Variants in ADCK2 observed in about 807,000 individuals in gnomAD.
The protein encoded by ADCK2 is aarF domain containing kinase 2.
Under a neutral mutation model 52.3 loss-of-function variants are expected in ADCK2, and 37 were observed. That is an observed-to-expected ratio of 0.71 (90% CI 0.54 to 0.93). ADCK2 has a LOEUF of 0.93. Among genes scored for constraint, ADCK2 ranks in the 40% least tolerant of loss-of-function variants. ADCK2 has a pLI of 0.00. For missense variants in ADCK2, 695 were observed against 798.7 expected (o/e 0.87, Z 1.56); for synonymous variants, 321 against 349.2 (o/e 0.92, Z 0.90).
intron 5 of ADCK2, among the ~76,000 whole-genome samples, chr7:140,688,934 G>A (rs1794655622): frequency 1.3e-5 from 2 of 152,064 alleles, no homozygotes; most frequent in African/African-American, 2.4e-5. Flanking sequence ...AAAAACACTG[G>A]GAAAAAGAGA....
rs1438982666 is a variant in ADCK2 at position 140,674,012 on chromosome 7, A to G, written c.682A>G (p.Ser228Gly). The G allele has an allele frequency of 8.7e-6, 14 of 1,614,112 alleles. No homozygotes were observed. The East Asian group carries it at 2.9e-4, about 33-fold the overall frequency. ...CAACACTGCCTTCCTGGAGACTGAC[A>G]GCGTCCAGAGACTTGGCAGGGCCTC... ...YANTAFLETD[S>G]VQRLGRASCL... is the part of the protein sequence containing the mutation. The change falls in exon 1 of 8, where the codon AGC (serine) becomes GGC (glycine). Residue 228 changes from serine (S) to glycine (G), a missense_variant. Physicochemically the swap from Ser to Gly is moderately conservative, Grantham distance 56. Transcript: ENST00000072869. This position sits in a 1 kb window ranked among gnomAD's most constrained non-coding sequence, Gnocchi z 4.6.
rs182742642 is a variant in ADCK2, at chr7:140,693,802, C to T, written c.1741-861C>T. Among the ~76,000 whole-genome samples, 155 of 152,202 alleles carry T rather than the reference C, an allele frequency of 1.0e-3. 2 individuals are homozygous for T. In the East Asian group the frequency reaches 0.027, roughly 27 times the overall value. ...CTGGCTCACTGCAAGCTCTGCCTCC[C>T]GAGTTCAGGCCATTCTCCTGCCTCA... On this transcript the variant is annotated intron_variant, in intron 7 of 7. Transcript: ENST00000072869. This position sits in a 1 kb window ranked among gnomAD's most constrained non-coding sequence, Gnocchi z 4.0.
At chr7:140,685,807 C>T (rs1334327899) in intron 4 of ADCK2, among the ~76,000 whole-genome samples, 2 of 152,152 alleles carry the variant, frequency 1.3e-5, no homozygotes, top group East Asian at 3.8e-4. Flanking sequence ...CTCCTCTCAT[C>T]CCCCGTGGAA....
chr7:140,674,346 G>A lies in ADCK2; in HGVS notation c.933+83G>A, dbSNP rs1794354740. 1 of 1,408,806 alleles carries A rather than the reference G, an allele frequency of 7.1e-7. No homozygotes were observed. 87.3% of individuals were successfully genotyped at this position (1,408,806 alleles called of 1,614,324 possible). A position where few individuals can be genotyped will look rare whatever the true frequency, so the allele number is the denominator to read the frequency against. ...CAACCGCCATGCAAATCGCCCCCAC[G>A]TTTATTTCTATTTGCCTGACCAATA... is the stretch of plus-strand genomic sequence containing the variant. On this transcript the variant is annotated intron_variant, in intron 1 of 7. Coordinates refer to ENST00000072869, the MANE Select transcript of ADCK2 (RefSeq NM_052853.4). The surrounding 1 kb of genome is among the most constrained non-coding windows in gnomAD (Gnocchi z 4.6).
chr7:140,686,622 C>T (rs1370630794), intron 4 of ADCK2, among the ~76,000 whole-genome samples: 1 of 152,074 alleles, frequency 6.6e-6, no homozygotes, highest in Admixed American at 6.6e-5. Context: ...CTGTGTCACC[C>T]AGGCTGGAGG....
At chr7:140,681,207 C>T in intron 4 of ADCK2, 70 bp downstream of exon 4, 2 of 1,437,486 alleles carry the variant, frequency 1.4e-6, no homozygotes, top group Non-Finnish European at 2.0e-6. Flanking sequence ...TGGGCTGGGA[C>T]TCTGGCTATC....
intron 2 of ADCK2, 93 bp from the exon 3 acceptor site, chr7:140,679,062 T>C (rs1252067654): frequency 2.0e-6 from 3 of 1,488,452 alleles, no homozygotes; most frequent in African/African-American, 1.4e-5. Context: ...GAAGGTGGGG[T>C]GGATCTCATG....
intron 4 of ADCK2, among the ~76,000 whole-genome samples, chr7:140,681,881 A>G (rs975294308): frequency 2.2e-4 from 34 of 152,160 alleles, no homozygotes; most frequent in Non-Finnish European, 4.4e-5. Flanking sequence ...TTGGCCTCCC[A>G]AAGTGTTGGG....
At chr7:140,690,446 G>A (rs866614351) in intron 6 of ADCK2, among the ~76,000 whole-genome samples, 12 of 150,954 alleles carry the variant, frequency 7.9e-5, no homozygotes, top group African/African-American at 2.2e-4. Flanking sequence ...CAAGTGATCC[G>A]CCCGCCTTGG....
At position 140,679,226 on chromosome 7, in the gene ADCK2, G is replaced by A; in HGVS notation, c.1152G>A (p.Lys384=). ...ACTTCCGGAATGTGAAAGCCGTCAA[G>A]TTCCCCACCCCTCTGCGCCCCTTTG... ...QVNFRNVKAV[K]FPTPLRPFVT... is the part of the protein sequence containing the mutation. The change falls in exon 3 of 8, where the codon AAG becomes AAA. Residue 384 remains lysine, a synonymous_variant. Transcript: ENST00000072869. 2 of 1,614,080 alleles carry A rather than the reference G, an allele frequency of 1.2e-6. No homozygotes were observed. The highest frequency in any genetic ancestry group is 1.7e-6 in the Non-Finnish European group (2 of 1,180,006).
In ADCK2 at chr7:140,693,857, C is replaced by A. The variant is rs1794749623; in HGVS notation, c.1741-806C>A. 6.6e-6 allele frequency among the ~76,000 whole-genome samples: 1 copy of A among 152,138 alleles called. No homozygotes were observed. The highest frequency in any genetic ancestry group is 1.9e-4 in the East Asian group (1 of 5,188). ...CCCGAGTAGCTGAGACCACAGGCGC[C>A]TGCCACCATGCCCGGCTGATTTTTT... On this transcript the variant is annotated intron_variant, in intron 7 of 7. Transcript: ENST00000072869. The surrounding 1 kb of genome is among the most constrained non-coding windows in gnomAD (Gnocchi z 4.0).
chr7:140,687,874 G>A (rs1456073751), intron 5 of ADCK2, among the ~76,000 whole-genome samples: 2 of 137,132 alleles, frequency 1.5e-5, no homozygotes, highest in South Asian at 2.4e-4. Flanking sequence ...TGAGATCTTA[G>A]TTTTTTTTTT....
chr7:140,679,662 C>CTTTTT (rs57302302), intron 3 of ADCK2, among the ~76,000 whole-genome samples: 11 of 75,368 alleles, frequency 1.5e-4, no homozygotes, highest in South Asian at 4.5e-4. Context: ...CCTTCTCTCT[C>CTTTTT]TTTTTTTTTT....
At chr7:140,685,883 G>T (rs1246034858) in intron 4 of ADCK2, among the ~76,000 whole-genome samples, 1 of 151,946 alleles carries the variant, frequency 6.6e-6, no homozygotes, top group African/African-American at 2.4e-5. Flanking sequence ...TGTTCCACAA[G>T]CCGTGCCAAA....
Position 140,693,960 on chromosome 7 carries a change from C to T in ADCK2, c.1741-703C>T, listed in dbSNP as rs370998659. On this transcript the variant is annotated intron_variant, in intron 7 of 7. Coordinates refer to ENST00000072869, the MANE Select transcript of ADCK2 (RefSeq NM_052853.4). The surrounding 1 kb of genome is among the most constrained non-coding windows in gnomAD (Gnocchi z 4.0). ...TCCTGACCTCATGATCCGCCCGCCT[C>T]GGTCTCCCAAAGGGCTGGGATTACA... Among the ~76,000 whole-genome samples, 16 of 152,268 alleles carry T rather than the reference C, an allele frequency of 1.1e-4. No homozygotes were observed. Among genetic ancestry groups the T allele is most frequent in the East Asian group, 5.8e-4 (3 of 5,166 alleles).
chr7:140,684,106 G>A (rs1170047876), intron 4 of ADCK2, among the ~76,000 whole-genome samples: 2 of 152,126 alleles, frequency 1.3e-5, no homozygotes, highest in East Asian at 3.9e-4. Context: ...TGTTGGAGAG[G>A]CAGAGGGGTA....
Position 140,674,500 on chromosome 7 carries a change from T to C in ADCK2, c.934-111T>C. ...CTTGGGTGTCGGGACCACATCCTCT[T>C]TTCTTTGATAAGAAGCCACCTGGCT... On this transcript the variant is annotated intron_variant, in intron 1 of 7. Transcript: ENST00000072869. This position sits in a 1 kb window ranked among gnomAD's most constrained non-coding sequence, Gnocchi z 4.6. The C allele has an allele frequency of 7.3e-7, 1 of 1,371,642 alleles. No homozygotes were observed. Among genetic ancestry groups the C allele is most frequent in the Admixed American group, 2.6e-5 (1 of 39,146 alleles). 85.0% of individuals were successfully genotyped at this position (1,371,642 alleles called of 1,614,324 possible). A position where few individuals can be genotyped will look rare whatever the true frequency, so the allele number is the denominator to read the frequency against.
In ADCK2 at chr7:140,674,110, C is replaced by T; in HGVS notation, c.780C>T (p.Gly260=). 6.2e-7 allele frequency: 1 copy of T among 1,614,136 alleles called. No homozygotes were observed. The highest frequency in any genetic ancestry group is 8.5e-7 in the Non-Finnish European group (1 of 1,180,036). Residue 260 remains glycine (G), a synonymous_variant, in exon 1 of 8, where the codon GGC becomes GGT. Coordinates refer to ENST00000072869, the MANE Select transcript of ADCK2 (RefSeq NM_052853.4). This position sits in a 1 kb window ranked among gnomAD's most constrained non-coding sequence, Gnocchi z 4.6. ...LRELFGYLGN[G]RKPPENLADQ... Reference sequence around the variant, plus strand: ...AGCTCTTTGGATACCTTGGAAATGGCCGGAAACCTCCAGAAAATCTCGCAG... The same window carrying T: ...AGCTCTTTGGATACCTTGGAAATGGTCGGAAACCTCCAGAAAATCTCGCAG...
intron 7 of ADCK2, among the ~76,000 whole-genome samples, chr7:140,692,824 A>G (rs757715098): frequency 3.9e-5 from 6 of 152,350 alleles, no homozygotes; most frequent in African/African-American, 7.2e-5. Flanking sequence ...AGGTCTATAC[A>G]TTGTGTTCTT....
Sources: allele counts gnomAD v4.1 joint callset (sites outside exome capture counted in the v4.1 genomes callset), GRCh38; gene constraint gnomAD v4.1.1; non-coding constraint Gnocchi (gnomAD v3.1); transcripts MANE v1.5; gene names NCBI Gene and HGNC (gene_info 2026-07-23, HGNC 2026-07-21).